The following TRAPPC9 variants were observed in gnomAD, a reference collection of about 807,000 sequenced individuals.
TRAPPC9 encodes the protein trafficking protein particle complex subunit 9, also known as IKK2 binding protein.
Under a neutral mutation model 124.0 loss-of-function variants are expected in TRAPPC9, and 83 were observed. The ratio of observed to expected loss-of-function variants is 0.67; its 90% CI spans 0.56 to 0.80. The LOEUF (loss-of-function observed/expected upper bound fraction) is 0.80, where lower values mean the gene tolerates loss of function less well. Ranked by LOEUF, TRAPPC9 falls within the 30% of genes least tolerant of loss-of-function variation. The probability of loss-of-function intolerance (pLI) is 0.00; values close to 1 mark genes in which losing one functional copy is unlikely to be tolerated. For synonymous variants in TRAPPC9, 638 were observed against 617.5 expected (o/e 1.03, Z -0.49); for missense variants, 1,302 against 1,508.3 (o/e 0.86, Z 2.27).
chr8:139,899,520 C>T (rs1587140114), intron 20 of TRAPPC9, among the ~76,000 whole-genome samples: 1 of 152,122 alleles, frequency 6.6e-6, no homozygotes, highest in Middle Eastern at 3.2e-3. Flanking sequence ...ACTGGTCTTG[C>T]TGTCTCAGGG....
intron 17 of TRAPPC9, among the ~76,000 whole-genome samples, chr8:140,180,019 A>C (rs536856489): frequency 1.6e-3 from 47 of 30,096 alleles, no homozygotes; most frequent in Admixed American, 3.8e-3. Flanking sequence ...TTTTTTGGCC[A>C]GTATGATAGT....
At chr8:140,212,847 G>A (rs1392904311) in intron 17 of TRAPPC9, among the ~76,000 whole-genome samples, 4 of 151,854 alleles carry the variant, frequency 2.6e-5, no homozygotes, top group South Asian at 2.1e-4. Flanking sequence ...TTGGGAGGCC[G>A]AGGCAGGCAG....
At chr8:140,311,215 G>A (rs762065038) in intron 10 of TRAPPC9, 33 bp downstream of exon 10, 9 of 1,605,856 alleles carry the variant, frequency 5.6e-6, no homozygotes, top group Non-Finnish European at 5.9e-6. Flanking sequence ...CCAGAGGGCA[G>A]CTGCCTTTCC....
intron 17 of TRAPPC9, among the ~76,000 whole-genome samples, chr8:140,169,012 G>A (rs1478880225): frequency 1.3e-5 from 2 of 150,906 alleles, no homozygotes; most frequent in African/African-American, 5.0e-5. Context: ...CTGTTTTCGA[G>A]GGGCTCGCGG....
intron 21 of TRAPPC9, among the ~76,000 whole-genome samples, chr8:139,877,721 A>G (rs1829413004): frequency 1.3e-5 from 2 of 152,156 alleles, no homozygotes; most frequent in African/African-American, 4.8e-5. Flanking sequence ...CCTGAGGAAC[A>G]TGCTCTCTGC....
intron 5 of TRAPPC9, among the ~76,000 whole-genome samples, chr8:140,408,751 G>C (rs1202179553): frequency 6.6e-6 from 1 of 151,706 alleles, no homozygotes; most frequent in African/African-American, 2.4e-5. Context: ...GAATCACTGG[G>C]GCCAAGATGG....
rs1296070888 is a variant in TRAPPC9 at position 140,275,681 on chromosome 8, G to A, written c.2255C>T (p.Thr752Ile). 1.2e-6 allele frequency: 2 copies of A among 1,614,042 alleles called. No individual in the cohort carries two copies. The highest frequency in any genetic ancestry group is 1.1e-5 in the South Asian group (1 of 91,084). The change falls in exon 15 of 23, where the codon ACC becomes ATC. Residue 752 changes from threonine to isoleucine, a missense_variant. This residue lies in a region of TRAPPC9 where 640 missense variants were observed against 679.3 expected (regional missense o/e 0.94). Coordinates refer to ENST00000438773, the MANE Select transcript of TRAPPC9 (RefSeq NM_001160372.4). ...ACCTTTAGTGGTGAGAACTTTCGAG[G>A]TGACCTCCAGTTTCTCCAATGGTTC... ...GMEPLEKLEV[T>I]SKVLTTKEKL... is the part of the protein sequence containing the mutation.
At chr8:140,205,644 A>G (rs985024666) in intron 17 of TRAPPC9, among the ~76,000 whole-genome samples, 1 of 152,248 alleles carries the variant, frequency 6.6e-6, no homozygotes, top group African/African-American at 2.4e-5. Context: ...TAATGAGAAT[A>G]CAGATGAGGA....
chr8:140,224,383 T>A (rs999799277), intron 16 of TRAPPC9, among the ~76,000 whole-genome samples: 2 of 152,026 alleles, frequency 1.3e-5, no homozygotes, highest in Non-Finnish European at 2.9e-5. Context: ...CTGACAAACA[T>A]CCCCTAGAGG....
chr8:140,251,426 C>T (rs935608942), intron 16 of TRAPPC9, among the ~76,000 whole-genome samples: 1 of 152,208 alleles, frequency 6.6e-6, no homozygotes, highest in African/African-American at 2.4e-5. Flanking sequence ...ATTTGAAATC[C>T]TCTCAACTTT....
rs575015452 is a variant in TRAPPC9, at chr8:140,355,622, G to A, written c.1495+4428C>T. Among the ~76,000 whole-genome samples, 6 of 152,290 alleles carry A rather than the reference G, an allele frequency of 3.9e-5. No homozygotes were observed. The East Asian group carries it at 1.2e-3, about 29-fold the overall frequency. ...GATTCCAGCATGGAGAAGATACACC[G>A]AAGAGAGATCACAGCACTGGGGGGG... On this transcript the variant is annotated intron_variant, in intron 9 of 22. Coordinates refer to ENST00000438773, the MANE Select transcript of TRAPPC9 (RefSeq NM_001160372.4).
In TRAPPC9 at chr8:140,087,072, C is replaced by T. The variant is rs1033001000; in HGVS notation, c.2557-62993G>A. On this transcript the variant is annotated intron_variant, in intron 17 of 22. Transcript: ENST00000438773. The surrounding 1 kb of genome is among the most constrained non-coding windows in gnomAD (Gnocchi z 4.6). Reference sequence around the variant, plus strand: ...TTCTTGCCACCGTCAGCCTGCCATCCTCCTACTCCTCTGAAATGACTCTTT... The same window carrying T: ...TTCTTGCCACCGTCAGCCTGCCATCTTCCTACTCCTCTGAAATGACTCTTT... Among the ~76,000 whole-genome samples the T allele has an allele frequency of 1.3e-5, 2 of 152,164 alleles. No individual in the cohort carries two copies. Among genetic ancestry groups the T allele is most frequent in the Non-Finnish European group, 2.9e-5 (2 of 68,026 alleles).
chr8:140,080,299 A>G (rs527985909), intron 17 of TRAPPC9, among the ~76,000 whole-genome samples: 1 of 152,368 alleles, frequency 6.6e-6, no homozygotes, highest in East Asian at 1.9e-4. Flanking sequence ...AACAGCTAAC[A>G]GTACAAAACA....
intron 17 of TRAPPC9, among the ~76,000 whole-genome samples, chr8:140,215,733 C>T (rs1020635383): frequency 6.6e-6 from 1 of 151,814 alleles, no homozygotes; most frequent in African/African-American, 2.4e-5. Flanking sequence ...CTTCCCTAAA[C>T]TTCCGCTTCC....
At chr8:139,886,022 A>C in intron 20 of TRAPPC9, 53 bp from the exon 21 acceptor site, 2 of 1,512,024 alleles carry the variant, frequency 1.3e-6, no homozygotes, top group Non-Finnish European at 1.8e-6. Flanking sequence ...GGACAGAAGA[A>C]CGTCTAGAAG....
chr8:139,786,942 C>T (rs749528071), intron 21 of TRAPPC9, among the ~76,000 whole-genome samples: 3 of 152,208 alleles, frequency 2.0e-5, no homozygotes, highest in Non-Finnish European at 2.9e-5. Context: ...GAACGCACTC[C>T]GTCCAATCTT....
chr8:139,732,656 G>A (rs1817916989), intron 21 of TRAPPC9, among the ~76,000 whole-genome samples: 2 of 152,248 alleles, frequency 1.3e-5, no homozygotes, highest in African/African-American at 4.8e-5. Context: ...GTGGCTGCAA[G>A]ACCACACACC....
rs776849031 is a variant in TRAPPC9 at position 140,451,188 on chromosome 8, T to G, written c.186A>C (p.Pro62=). 1 of 1,614,036 alleles carries G rather than the reference T, an allele frequency of 6.2e-7. No individual in the cohort carries two copies. The highest frequency in any genetic ancestry group is 1.7e-5 in the Admixed American group (1 of 59,998). Reference sequence around the variant, plus strand: ...AGTCACCCCACTCGTTGTTCTCGGGTGGGTAGTGGTGCCTGTAGCGGATGT... The same window carrying G: ...AGTCACCCCACTCGTTGTTCTCGGGGGGGTAGTGGTGCCTGTAGCGGATGT... ...VLYIRYRHHY[P]PENNEWGDFQ... is the part of the protein sequence containing the mutation. The change falls in exon 2 of 23, where the codon CCA becomes CCC. Residue 62 remains proline (P), a synonymous_variant. Coordinates refer to ENST00000438773, the MANE Select transcript of TRAPPC9 (RefSeq NM_001160372.4).
chr8:140,336,289 A>T (rs1490081026), intron 9 of TRAPPC9, among the ~76,000 whole-genome samples: 3 of 152,168 alleles, frequency 2.0e-5, no homozygotes, highest in Admixed American at 6.5e-5. Flanking sequence ...ATTTTGTTCA[A>T]CAGATATTCC....
Sources: gnomAD v4.1 joint callset for allele counts (sites outside exome capture counted in the v4.1 genomes callset) on GRCh38, gnomAD v4.1.1 for gene constraint, gnomAD v4.1.1 regional missense constraint, Gnocchi (gnomAD v3.1) non-coding constraint, MANE v1.5 for transcripts, NCBI Gene and HGNC (gene_info 2026-07-23, HGNC 2026-07-21) for gene names.